Variants in CORIN observed in about 807,000 individuals in gnomAD.
The protein encoded by CORIN is corin, serine peptidase, also known as atrial natriuretic peptide-converting enzyme.
A neutral mutation model predicts 125.3 loss-of-function variants in CORIN; 117 were observed. The ratio of observed to expected loss-of-function variants is 0.93; its 90% CI spans 0.80 to 1.09. The LOEUF (loss-of-function observed/expected upper bound fraction) is 1.09. CORIN is among the 50% of genes least tolerant of loss of function. The pLI is 0.00. For synonymous variants in CORIN, 450 were observed against 466.4 expected, an observed-to-expected ratio of 0.96 and a Z score of 0.45; for missense variants, 1,253 against 1,306.7, an observed-to-expected ratio of 0.96 and a Z score of 0.63.
intron 4 of CORIN, among the ~76,000 whole-genome samples, chr4:47,748,969 T>C (rs1465357417): frequency 6.6e-6 from 1 of 152,212 alleles, no homozygotes; most frequent in African/African-American, 2.4e-5. Context: ...ATACAATATC[T>C]TTAACAAAAC....
At chr4:47,631,224 T>C (rs1468752272) in intron 16 of CORIN, among the ~76,000 whole-genome samples, 1 of 152,154 alleles carries the variant, frequency 6.6e-6, no homozygotes, top group African/African-American at 2.4e-5. Context: ...ACATTCCAAA[T>C]GTCCCCTAGG....
intron 2 of CORIN, among the ~76,000 whole-genome samples, chr4:47,801,878 C>T (rs759005048): frequency 2.0e-5 from 3 of 152,192 alleles, no homozygotes; most frequent in Non-Finnish European, 2.9e-5. Context: ...GGTTCAGAGC[C>T]GGTGGACTGG....
intron 4 of CORIN, among the ~76,000 whole-genome samples, chr4:47,757,878 G>GTATGTATATATATATA (rs1553916061): frequency 8.1e-6 from 1 of 123,926 alleles, no homozygotes; most frequent in African/African-American, 3.3e-5. Context: ...ATATATATAT[G>GTATGTATATATATATA]TATATATATA....
At chr4:47,668,399 TAGAC>T (rs1283508675) in intron 10 of CORIN, among the ~76,000 whole-genome samples, 7 of 152,318 alleles carry the variant, frequency 4.6e-5, no homozygotes, top group East Asian at 3.9e-4. Flanking sequence ...TTTGCACACT[TAGAC>T]AGGGATTTCT....
chr4:47,765,315 A>ACC lies in CORIN; in HGVS notation c.410-1730_410-1729insGG, dbSNP rs1560538943. Among the ~76,000 whole-genome samples the ACC allele has an allele frequency of 6.0e-3, 899 of 150,634 alleles. 8 individuals are homozygous for ACC. The highest frequency in any genetic ancestry group is 0.02 in the African/African-American group (833 of 41,082). ...GACAGAGCGAGACTCCGTCCCCCAA[A>ACC]AAAAAAAAAAAAGAATCCTAGGAAT... On this transcript the variant is annotated intron_variant, in intron 3 of 21. Transcript: ENST00000273857.
chr4:47,736,817 A>C (rs1407062659), intron 5 of CORIN, among the ~76,000 whole-genome samples: 2 of 152,250 alleles, frequency 1.3e-5, no homozygotes, highest in African/African-American at 2.4e-5. Context: ...AGACAAGATA[A>C]GCCAGCAGAA....
At chr4:47,615,985 G>A (rs367883911) in intron 19 of CORIN, among the ~76,000 whole-genome samples, 85 of 152,162 alleles carry the variant, frequency 5.6e-4, no homozygotes, top group Admixed American at 9.8e-4. Context: ...GTATATTAGC[G>A]AACCGATGGA....
At chr4:47,719,502 A>C (rs1156781778) in intron 5 of CORIN, among the ~76,000 whole-genome samples, 1 of 152,166 alleles carries the variant, frequency 6.6e-6, no homozygotes, top group Non-Finnish European at 1.5e-5. Flanking sequence ...CCTTTACTTA[A>C]ATGTTTCTAA....
chr4:47,648,194 T>C (rs16860524), intron 13 of CORIN, among the ~76,000 whole-genome samples: 4,060 of 152,260 alleles, frequency 0.027, 177 homozygotes, highest in African/African-American at 0.092. Context: ...TATGATTCCA[T>C]CAAAAATTAA....
rs112678414 is a variant in CORIN, at chr4:47,723,660, T to C, written c.799+20742A>G. 4.6e-5 allele frequency among the ~76,000 whole-genome samples: 7 copies of C among 152,242 alleles called. 1 individual carries two copies. The highest frequency in any genetic ancestry group is 2.6e-4 in the Admixed American group (4 of 15,288). On this transcript the variant is annotated intron_variant, in intron 5 of 21. Coordinates refer to ENST00000273857, the MANE Select transcript of CORIN (RefSeq NM_006587.4). The stretch of plus-strand genomic sequence containing the variant: ...AACAGGACCCAGAATATCATAATAT[T>C]TTCAAAATGCCCAGGATATAAGTTA...
chr4:47,698,740 C>T (rs897343705), intron 5 of CORIN, among the ~76,000 whole-genome samples: 5 of 152,100 alleles, frequency 3.3e-5, no homozygotes, highest in Admixed American at 3.3e-4. Context: ...TGAGTGGATG[C>T]TGGATGTACA....
chr4:47,650,747 T>C (rs1388007594), intron 13 of CORIN, among the ~76,000 whole-genome samples: 2 of 152,326 alleles, frequency 1.3e-5, no homozygotes, highest in African/African-American at 4.8e-5. Context: ...GTATGCTCAA[T>C]TACTTAAGCA....
At chr4:47,646,931 C>A (rs1723516583) in intron 13 of CORIN, among the ~76,000 whole-genome samples, 2 of 152,096 alleles carry the variant, frequency 1.3e-5, no homozygotes, top group Non-Finnish European at 2.9e-5. Flanking sequence ...TCAAACTTTT[C>A]ATTAAAAACA....
chr4:47,613,886 C>T (rs1005578035), intron 19 of CORIN, among the ~76,000 whole-genome samples: 1 of 151,206 alleles, frequency 6.6e-6, no homozygotes, highest in Non-Finnish European at 1.5e-5. Flanking sequence ...TGCAGCGCAC[C>T]AGCATGGCAC....
At chr4:47,651,688 A>C (rs2109639043) in intron 13 of CORIN, among the ~76,000 whole-genome samples, 1 of 152,316 alleles carries the variant, frequency 6.6e-6, no homozygotes, top group African/African-American at 2.4e-5. Context: ...TAGTGCTGTC[A>C]ATTATTTTTA....
intron 4 of CORIN, among the ~76,000 whole-genome samples, chr4:47,760,522 G>A (rs1312997453): frequency 6.6e-6 from 1 of 152,118 alleles, no homozygotes; most frequent in Non-Finnish European, 1.5e-5. Flanking sequence ...TCAGTAAACA[G>A]GTGTGCTGTC....
chr4:47,703,950 C>T (rs748708174), intron 5 of CORIN, among the ~76,000 whole-genome samples: 13 of 152,142 alleles, frequency 8.5e-5, no homozygotes, highest in Non-Finnish European at 1.3e-4. Context: ...CATCTAGGAA[C>T]AGAATTATTT....
rs749567944 is a variant in CORIN, at chr4:47,786,946, C to CA, written c.209-22dup. ...TGTTCCTGAAAGACAAAAACAAACA[C>CA]AAAAAAAACCTATCTTTGAAACATT... On this transcript the variant is annotated intron_variant, in intron 2 of 21. Coordinates refer to ENST00000273857, the MANE Select transcript of CORIN (RefSeq NM_006587.4). 1.8e-4 allele frequency: 274 copies of CA among 1,501,300 alleles called. 1 individual carries two copies. Among genetic ancestry groups the CA allele is most frequent in the Non-Finnish European group, 2.2e-4 (246 of 1,095,312 alleles). 93.0% of individuals were successfully genotyped at this position (1,501,300 alleles called of 1,614,324 possible).
In CORIN at chr4:47,767,641, C is replaced by T. The variant is rs141363510; in HGVS notation, c.410-4055G>A. Among the ~76,000 whole-genome samples the T allele has an allele frequency of 6.5e-3, 993 of 152,184 alleles. 8 individuals carry two copies. Among genetic ancestry groups the T allele is most frequent in the African/African-American group, 0.023 (957 of 41,520 alleles). ...GCTATGCCAGGAAAATAAATATAAA[C>T]CATGACTGTCTCCTATGAGCCAAGA... On this transcript the variant is annotated intron_variant, in intron 3 of 21. Coordinates refer to ENST00000273857, the MANE Select transcript of CORIN (RefSeq NM_006587.4).
Sources: allele counts gnomAD v4.1 joint callset (sites outside exome capture counted in the v4.1 genomes callset), GRCh38; gene constraint gnomAD v4.1.1; transcripts MANE v1.5; gene names NCBI Gene and HGNC (gene_info 2026-07-23, HGNC 2026-07-21).